ZNF766: variants seen among roughly 807,000 people sequenced by gnomAD.
The protein encoded by ZNF766 is zinc finger protein 766.
Under a neutral mutation model 13.2 loss-of-function variants are expected in ZNF766, and 13 were observed. The ratio of observed to expected loss-of-function variants is 0.98; its 90% CI spans 0.64 to 1.56. ZNF766 has a LOEUF of 1.56. Among genes scored for constraint, ZNF766 ranks in the 40% most tolerant of loss-of-function variants. The probability of loss-of-function intolerance (pLI) is 0.00; values close to 1 mark genes in which losing one functional copy is unlikely to be tolerated. For missense variants in ZNF766, 521 were observed against 552.2 expected (o/e 0.94, Z 0.57); for synonymous variants, 178 against 187.6 (o/e 0.95, Z 0.42).
intron 3 of ZNF766, among the ~76,000 whole-genome samples, chr19:52,284,547 C>T (rs183188686): frequency 1.3e-5 from 2 of 152,186 alleles, no homozygotes; most frequent in Admixed American, 1.3e-4. Context: ...AGATTTCTCC[C>T]CACCAGCAAC....
At chr19:52,269,763 C>G in intron 1 of ZNF766, 132 bp downstream of exon 1, 4 of 1,195,392 alleles carry the variant, frequency 3.3e-6, no homozygotes, top group Non-Finnish European at 4.6e-6. Context: ...ATTCATGCGT[C>G]CCGTCAGAGT....
rs573658856 is a variant in ZNF766, at chr19:52,273,165, C to T, written c.18+3534C>T. Among the ~76,000 whole-genome samples, 127 of 152,136 alleles carry T rather than the reference C, an allele frequency of 8.3e-4. 1 individual carries two copies. Among genetic ancestry groups the T allele is most frequent in the African/African-American group, 2.5e-3 (104 of 41,500 alleles). On this transcript the variant is annotated intron_variant, in intron 1 of 3. Transcript: ENST00000439461. ...CTGGGACTACAGGCGTGCACCATCA[C>T]GCCCAACTAATTGTTTGCATTTTTA...
At chr19:52,280,136 ATAAAC>A (rs2122474310) in intron 1 of ZNF766, among the ~76,000 whole-genome samples, 1 of 152,262 alleles carries the variant, frequency 6.6e-6, no homozygotes, top group South Asian at 2.1e-4. Flanking sequence ...AATAATGTTT[ATAAAC>A]TAAACTGAGT....
chr19:52,276,420 A>T (rs2122467211), intron 1 of ZNF766, among the ~76,000 whole-genome samples: 1 of 152,198 alleles, frequency 6.6e-6, no homozygotes, highest in South Asian at 2.1e-4. Context: ...TAAGTCTGTA[A>T]TTGGTTGAAT....
At chr19:52,277,467 A>AG in intron 1 of ZNF766, 3 of 1,557,422 alleles carry the variant, frequency 1.9e-6, no homozygotes, top group Non-Finnish European at 2.6e-6. Context: ...TCAAAAAAAA[A>AG]CAAAAAAAGT....
chr19:52,277,436 G>T, intron 1 of ZNF766: 1 of 1,523,180 alleles, frequency 6.6e-7, no homozygotes, highest in Non-Finnish European at 8.8e-7. Context: ...TCCAGCCTGG[G>T]TGACAGAGTG....
chr19:52,281,983 A>T (rs1402479926), intron 1 of ZNF766, 128 bp from the exon 2 acceptor site: 6 of 1,115,484 alleles, frequency 5.4e-6, no homozygotes, highest in African/African-American at 1.6e-5. Context: ...AAAATACCTT[A>T]ATGTGGATAT....
At chr19:52,286,140 T>C (rs1196480625) in intron 3 of ZNF766, among the ~76,000 whole-genome samples, 1 of 143,012 alleles carries the variant, frequency 7.0e-6, no homozygotes, top group Non-Finnish European at 1.5e-5. Flanking sequence ...CCGGAAGAGC[T>C]CAATTAAAAA....
chr19:52,276,415 C>T (rs1056699027), intron 1 of ZNF766, among the ~76,000 whole-genome samples: 4 of 151,984 alleles, frequency 2.6e-5, no homozygotes, highest in Admixed American at 6.6e-5. Context: ...TTATTTAAGT[C>T]TGTAATTGGT....
At chr19:52,289,303 A>C (rs1222736008) in intron 3 of ZNF766, among the ~76,000 whole-genome samples, 1 of 151,218 alleles carries the variant, frequency 6.6e-6, no homozygotes, top group Admixed American at 6.6e-5. Flanking sequence ...GGCACACACC[A>C]CCATACCCGG....
chr19:52,286,086 C>CATTTAA (rs113368104), intron 3 of ZNF766, among the ~76,000 whole-genome samples: 27,561 of 149,988 alleles, frequency 0.18, 2,551 homozygotes, highest in East Asian at 0.3. Context: ...GGTACCACTG[C>CATTTAA]ATTTAAATGA....
intron 1 of ZNF766, 116 bp downstream of exon 1, chr19:52,269,747 G>A (rs1260508556): frequency 7.4e-7 from 1 of 1,342,366 alleles, no homozygotes; most frequent in Admixed American, 2.3e-5. Flanking sequence ...TCTCCACCCC[G>A]AGTAAATTCA....
Position 52,295,130 on chromosome 19 carries a change from A to T in ZNF766, c.*3932A>T, listed in dbSNP as rs530495877. 46 of 148,614 alleles carry T rather than the reference A, an allele frequency of 3.1e-4. No homozygotes were observed. The highest frequency in any genetic ancestry group is 1.1e-3 in the African/African-American group (43 of 40,458). The allele number at this position is 148,614 out of a possible 1,614,324, so 9.2% of individuals were successfully genotyped here. On this transcript the variant is annotated 3_prime_UTR_variant, in exon 4 of 4. Coordinates refer to ENST00000439461, the MANE Select transcript of ZNF766 (RefSeq NM_001010851.3). ...ATGCACGTATAGACACATATATAAT[A>T]TTTTTTTTTTACTTTTTTCTTTTTC... is the stretch of plus-strand genomic sequence containing the variant.
intron 1 of ZNF766, among the ~76,000 whole-genome samples, chr19:52,279,953 G>A (rs1213965639): frequency 2.0e-5 from 3 of 151,280 alleles, no homozygotes; most frequent in Non-Finnish European, 2.9e-5. Context: ...CCGCCACCAC[G>A]CCTAGCTAAT....
chr19:52,280,316 C>T (rs1202486445), intron 1 of ZNF766, among the ~76,000 whole-genome samples: 1 of 152,104 alleles, frequency 6.6e-6, no homozygotes, highest in African/African-American at 2.4e-5. Context: ...GCTATGATTA[C>T]TCACTGTACC....
chr19:52,272,960 C>G (rs948650328), intron 1 of ZNF766, among the ~76,000 whole-genome samples: 53 of 152,270 alleles, frequency 3.5e-4, no homozygotes, highest in African/African-American at 1.3e-3. Flanking sequence ...TGGGGCTTAG[C>G]TGAACTTGTC....
chr19:52,288,368 G>A (rs1275978042), intron 3 of ZNF766, among the ~76,000 whole-genome samples: 5 of 151,808 alleles, frequency 3.3e-5, no homozygotes, highest in Non-Finnish European at 5.9e-5. Context: ...TTGTTTATAC[G>A]TTATTTCATT....
chr19:52,278,608 T>C (rs1981332330), intron 1 of ZNF766, among the ~76,000 whole-genome samples: 1 of 152,146 alleles, frequency 6.6e-6, no homozygotes, highest in Admixed American at 6.5e-5. Flanking sequence ...TTCACCATGG[T>C]GGCCAGGCTG....
In ZNF766 at chr19:52,294,881, T is replaced by TG. The variant is rs1982284580; in HGVS notation, c.*3684dup. ...ACTTGTGAAATTTTTTTAGTAAAAT[T>TG]GCCTAAGATACTTTTTATAGTAGAC... On this transcript the variant is annotated 3_prime_UTR_variant, in exon 4 of 4. Coordinates refer to ENST00000439461, the MANE Select transcript of ZNF766 (RefSeq NM_001010851.3). 1 of 152,006 alleles carries TG rather than the reference T, an allele frequency of 6.6e-6. No individual in the cohort carries two copies. The highest frequency in any genetic ancestry group is 2.1e-4 in the South Asian group (1 of 4,830). The allele number at this position is 152,006 out of a possible 1,614,324, so 9.4% of individuals were successfully genotyped here. A position where few individuals can be genotyped will look rare whatever the true frequency, so the allele number is the denominator to read the frequency against.
Sources: gnomAD v4.1 joint callset for allele counts (sites outside exome capture counted in the v4.1 genomes callset) on GRCh38, gnomAD v4.1.1 for gene constraint, MANE v1.5 for transcripts, NCBI Gene and HGNC (gene_info 2026-07-23, HGNC 2026-07-21) for gene names.